DCUN1D5: variants seen among roughly 807,000 people sequenced by gnomAD.
The protein encoded by DCUN1D5 is DCN1-like protein 5.
A neutral mutation model predicts 38.3 loss-of-function variants in DCUN1D5; 10 were observed. The observed-to-expected ratio is 0.26, with a 90% CI of 0.16 to 0.44. The LOEUF is 0.44. Among genes scored for constraint, DCUN1D5 ranks in the 20% least tolerant of loss-of-function variants. The probability of loss-of-function intolerance (pLI) is 1.00; values close to 1 mark genes in which losing one functional copy is unlikely to be tolerated. For missense variants in DCUN1D5, 148 were observed against 275.3 expected, an observed-to-expected ratio of 0.54 and a Z score of 3.27; for synonymous variants, 93 against 90.9, an observed-to-expected ratio of 1.02 and a Z score of -0.13.
chr11:103,089,504 T>C (rs535335380), intron 1 of DCUN1D5, among the ~76,000 whole-genome samples, 186 bp from the exon 2 acceptor site: 1 of 152,276 alleles, frequency 6.6e-6, no homozygotes, highest in African/African-American at 2.4e-5. Flanking sequence ...TACATAAGAA[T>C]TATCGGCTAA....
chr11:103,058,078 A>C lies in DCUN1D5; in HGVS notation c.*4281T>G, dbSNP rs1565281213. 6.6e-6 allele frequency among the ~76,000 whole-genome samples: 1 copy of C among 152,238 alleles called. No individual in the cohort carries two copies. The highest frequency in any genetic ancestry group is 1.5e-5 in the Non-Finnish European group (1 of 68,044). ...ACAAAGCTCCAATAAAATTGGCATT[A>C]TAAGACAAGATTCAATACTTAGGTT... On this transcript the variant is annotated 3_prime_UTR_variant, in exon 8 of 8. Coordinates refer to ENST00000260247, the MANE Select transcript of DCUN1D5 (RefSeq NM_032299.4).
In DCUN1D5 at chr11:103,073,194, A is replaced by G. The variant is rs138176520; in HGVS notation, c.342-6627T>C. On this transcript the variant is annotated intron_variant, in intron 4 of 7. Coordinates refer to ENST00000260247, the MANE Select transcript of DCUN1D5 (RefSeq NM_032299.4). The surrounding 1 kb of genome is among the most constrained non-coding windows in gnomAD (Gnocchi z 4.2). The stretch of plus-strand genomic sequence containing the variant: ...TTCTAACAAAAGATGTACAGGACGT[A>G]TATGCCGAAAACTACACAAAACTGA... 1.7e-4 allele frequency among the ~76,000 whole-genome samples: 26 copies of G among 152,318 alleles called. No individual in the cohort carries two copies. The highest frequency in any genetic ancestry group is 2.5e-4 in the Non-Finnish European group (17 of 68,016).
rs754598293 is a variant in DCUN1D5, at chr11:103,073,960, C to G, written c.342-7393G>C. Among the ~76,000 whole-genome samples the G allele has an allele frequency of 6.6e-6, 1 of 151,906 alleles. No individual in the cohort carries two copies. The highest frequency in any genetic ancestry group is 1.5e-5 in the Non-Finnish European group (1 of 67,962). ...ATGGTGGCACATGCATGTGTGGCTA[C>G]TCGGGGGGCTGATGTGGGAGGATCG... On this transcript the variant is annotated intron_variant, in intron 4 of 7. Coordinates refer to ENST00000260247, the MANE Select transcript of DCUN1D5 (RefSeq NM_032299.4). The surrounding 1 kb of genome is among the most constrained non-coding windows in gnomAD (Gnocchi z 4.2).
At position 103,089,417 on chromosome 11, in the gene DCUN1D5, G is replaced by GTTT. The variant is rs59324738; in HGVS notation, c.87-102_87-100dup. 5,402 of 945,090 alleles carry GTTT rather than the reference G, an allele frequency of 5.7e-3. 61 individuals carry two copies. Among genetic ancestry groups the GTTT allele is most frequent in the African/African-American group, 0.056 (3,272 of 58,568 alleles). 58.5% of individuals were successfully genotyped at this position (945,090 alleles called of 1,614,324 possible). A position where few individuals can be genotyped will look rare whatever the true frequency, so the allele number is the denominator to read the frequency against. On this transcript the variant is annotated intron_variant, in intron 1 of 7. Transcript: ENST00000260247. ...CAACTTCCATTCACATTAAACAAAG[G>GTTT]TTTTTTTTTTCTTCGGTTGGCATTG...
In DCUN1D5 at chr11:103,092,112, G is replaced by C. The variant is rs11542291; in HGVS notation, c.-240C>G. On this transcript the variant is annotated 5_prime_UTR_variant, in exon 1 of 8. Transcript: ENST00000260247. ...GTGGACACTGCGGTTCGTTCTCACC[G>C]GGAGGAGATAACGCGGACAGCGCGG... 1.4e-5 allele frequency: 7 copies of C among 485,054 alleles called. No individual in the cohort carries two copies. Among genetic ancestry groups the C allele is most frequent in the Admixed American group, 7.7e-5 (2 of 26,070 alleles). 30.0% of individuals were successfully genotyped at this position (485,054 alleles called of 1,614,324 possible). A position where few individuals can be genotyped will look rare whatever the true frequency, so the allele number is the denominator to read the frequency against.
intron 4 of DCUN1D5, among the ~76,000 whole-genome samples, chr11:103,075,126 G>C (rs1218807129): frequency 6.6e-6 from 1 of 152,044 alleles, no homozygotes; most frequent in Non-Finnish European, 1.5e-5. Context: ...CCAGGCCCAG[G>C]TTATCAAATT....
Position 103,087,173 on chromosome 11 carries a change from CTTTTT to C in DCUN1D5, c.178+2049_178+2053del, listed in dbSNP as rs201932440. ...AAACCCCATTTCTTTTTTTCTTTTT[CTTTTT>C]TTTTTTTTTTGAGGCAGAGTCTCAC... On this transcript the variant is annotated intron_variant, in intron 2 of 7. Transcript: ENST00000260247. This position sits in a 1 kb window ranked among gnomAD's most constrained non-coding sequence, Gnocchi z 4.1. Among the ~76,000 whole-genome samples, 2 of 138,790 alleles carry C rather than the reference CTTTTT, an allele frequency of 1.4e-5. No homozygotes were observed. Among genetic ancestry groups the C allele is most frequent in the Non-Finnish European group, 3.1e-5 (2 of 64,270 alleles). 91.1% of individuals were successfully genotyped at this position (138,790 alleles called of 152,430 possible).
At position 103,075,999 on chromosome 11, in the gene DCUN1D5, C is replaced by T. The variant is rs186510906; in HGVS notation, c.341+6749G>A. ...CAAAGCAAATTTCTCAGATTACATG[C>T]CACTATAATGTTTGAAAATATGGAG... On this transcript the variant is annotated intron_variant, in intron 4 of 7. Transcript: ENST00000260247. 2.0e-5 allele frequency among the ~76,000 whole-genome samples: 3 copies of T among 152,244 alleles called. No homozygotes were observed. In the East Asian group the frequency reaches 5.8e-4, roughly 29 times the overall value.
In DCUN1D5 at chr11:103,066,142, T is replaced by G; in HGVS notation, c.555+127A>C. 1 of 545,076 alleles carries G rather than the reference T, an allele frequency of 1.8e-6. No homozygotes were observed. The highest frequency in any genetic ancestry group is 3.2e-6 in the Non-Finnish European group (1 of 315,416). 33.8% of individuals were successfully genotyped at this position (545,076 alleles called of 1,614,324 possible). ...CTAAAAATAGCAACTGATATGTACA[T>G]ATTTTAGAATTTTTTCTCTAAAGTT... On this transcript the variant is annotated intron_variant, in intron 6 of 7. Transcript: ENST00000260247. The surrounding 1 kb of genome is among the most constrained non-coding windows in gnomAD (Gnocchi z 4.7).
intron 4 of DCUN1D5, among the ~76,000 whole-genome samples, chr11:103,068,542 C>T (rs1862191645): frequency 6.6e-6 from 1 of 152,062 alleles, no homozygotes; most frequent in African/African-American, 2.4e-5. Context: ...TTTGCGGGAA[C>T]ATGGATGGTG....
At position 103,052,781 on chromosome 11, in the gene DCUN1D5, T is replaced by A. The variant is rs1160392792; in HGVS notation, c.*9578A>T. On this transcript the variant is annotated 3_prime_UTR_variant, in exon 8 of 8. Coordinates refer to ENST00000260247, the MANE Select transcript of DCUN1D5 (RefSeq NM_032299.4). The stretch of plus-strand genomic sequence containing the variant: ...TCATGTTATTCCAAACACCAACCAC[T>A]TCTTGGCTTTTTATAGAGAGAATAA... 6.6e-6 allele frequency: 1 copy of A among 152,224 alleles called. No homozygotes were observed. The highest frequency in any genetic ancestry group is 1.5e-5 in the Non-Finnish European group (1 of 68,020). 9.4% of individuals were successfully genotyped at this position (152,224 alleles called of 1,614,324 possible). A position where few individuals can be genotyped will look rare whatever the true frequency, so the allele number is the denominator to read the frequency against.
chr11:103,073,981 G>T lies in DCUN1D5; in HGVS notation c.342-7414C>A, dbSNP rs1007400421. On this transcript the variant is annotated intron_variant, in intron 4 of 7. Transcript: ENST00000260247. This position sits in a 1 kb window ranked among gnomAD's most constrained non-coding sequence, Gnocchi z 4.2. ...GCTACTCGGGGGGCTGATGTGGGAG[G>T]ATCGCTTGAACCCAGGAGGTGAAGG... is the stretch of plus-strand genomic sequence containing the variant. 6.6e-6 allele frequency among the ~76,000 whole-genome samples: 1 copy of T among 151,988 alleles called. No homozygotes were observed. The highest frequency in any genetic ancestry group is 2.4e-5 in the African/African-American group (1 of 41,366).
In DCUN1D5 at chr11:103,060,743, TAAC is replaced by T. The variant is rs375171287; in HGVS notation, c.*1613_*1615del. 1.6e-4 allele frequency among the ~76,000 whole-genome samples: 24 copies of T among 152,314 alleles called. No homozygotes were observed. The highest frequency in any genetic ancestry group is 5.3e-4 in the African/African-American group (22 of 41,576). On this transcript the variant is annotated 3_prime_UTR_variant, in exon 8 of 8. Transcript: ENST00000260247. Reference sequence around the variant, plus strand: ...GATTTTGCTTATATGTTTTGGAATTTAACAAAAGTGGATATGTTCTTCAGTTCA... The same window carrying T: ...GATTTTGCTTATATGTTTTGGAATTTAAAAGTGGATATGTTCTTCAGTTCA...
rs1339567088 is a variant in DCUN1D5 at position 103,091,202 on chromosome 11, C to G, written c.86+585G>C. Among the ~76,000 whole-genome samples, 1 of 152,090 alleles carries G rather than the reference C, an allele frequency of 6.6e-6. No individual in the cohort carries two copies. Among genetic ancestry groups the G allele is most frequent in the East Asian group, 1.9e-4 (1 of 5,168 alleles). On this transcript the variant is annotated intron_variant, in intron 1 of 7. Transcript: ENST00000260247. The surrounding 1 kb of genome is among the most constrained non-coding windows in gnomAD (Gnocchi z 4.3). ...ACAGGGACTTGGCATAGGTGAGGCA[C>G]TATACTTCCAGAAAATGGGGCTCCT...
rs1861820920 is a variant in DCUN1D5, at chr11:103,054,372, C to T, written c.*7987G>A. 1 of 152,108 alleles carries T rather than the reference C, an allele frequency of 6.6e-6. No homozygotes were observed. The highest frequency in any genetic ancestry group is 2.4e-5 in the African/African-American group (1 of 41,432). 9.4% of individuals were successfully genotyped at this position (152,108 alleles called of 1,614,324 possible). A position where few individuals can be genotyped will look rare whatever the true frequency, so the allele number is the denominator to read the frequency against. On this transcript the variant is annotated 3_prime_UTR_variant, in exon 8 of 8. Transcript: ENST00000260247. The stretch of plus-strand genomic sequence containing the variant: ...TGAAAATAAGTTTTTTCAAAGGCCC[C>T]AATTCCCTGACCGTTTTCTTATTTT...
rs1247995098 is a variant in DCUN1D5 at position 103,060,803 on chromosome 11, A to AT, written c.*1555dup. ...CCTTGAAGAGTCAACTAAATTATAA[A>AT]TTTAAAGGTCTACAAATCTAAATGC... is the stretch of plus-strand genomic sequence containing the variant. On this transcript the variant is annotated 3_prime_UTR_variant, in exon 8 of 8. Transcript: ENST00000260247. 6.6e-6 allele frequency among the ~76,000 whole-genome samples: 1 copy of AT among 152,146 alleles called. No individual in the cohort carries two copies. Among genetic ancestry groups the AT allele is most frequent in the Non-Finnish European group, 1.5e-5 (1 of 68,018 alleles).
chr11:103,086,866 A>G lies in DCUN1D5; in HGVS notation c.178+2361T>C, dbSNP rs1591228967. Among the ~76,000 whole-genome samples, 2 of 151,628 alleles carry G rather than the reference A, an allele frequency of 1.3e-5. No homozygotes were observed. The highest frequency in any genetic ancestry group is 4.1e-4 in the South Asian group (2 of 4,836). ...TAATATCTATTATAATAAAATGTTT[A>G]TAACTATATATAAACATTATAAAAT... is the stretch of plus-strand genomic sequence containing the variant. On this transcript the variant is annotated intron_variant, in intron 2 of 7. Coordinates refer to ENST00000260247, the MANE Select transcript of DCUN1D5 (RefSeq NM_032299.4). The surrounding 1 kb of genome is among the most constrained non-coding windows in gnomAD (Gnocchi z 4.1).
At position 103,061,642 on chromosome 11, in the gene DCUN1D5, T is replaced by C. The variant is rs936397256; in HGVS notation, c.*717A>G. Among the ~76,000 whole-genome samples, 5 of 146,940 alleles carry C rather than the reference T, an allele frequency of 3.4e-5. No homozygotes were observed. The highest frequency in any genetic ancestry group is 6.8e-5 in the Admixed American group (1 of 14,764). On this transcript the variant is annotated 3_prime_UTR_variant, in exon 8 of 8. Coordinates refer to ENST00000260247, the MANE Select transcript of DCUN1D5 (RefSeq NM_032299.4). ...GCTTTAAACAAAATTCCCTATATAATGACAGTTAAAAATATAAATATGCTA... is the reference window on the plus strand; with the variant it reads ...GCTTTAAACAAAATTCCCTATATAACGACAGTTAAAAATATAAATATGCTA...
intron 4 of DCUN1D5, among the ~76,000 whole-genome samples, chr11:103,079,389 C>T (rs1862494963): frequency 1.3e-5 from 2 of 152,282 alleles, no homozygotes; most frequent in South Asian, 4.1e-4. Context: ...GTAAGTGATA[C>T]TGTGCCTTAC....
Sources: gnomAD v4.1 joint callset for allele counts (sites outside exome capture counted in the v4.1 genomes callset) on GRCh38, gnomAD v4.1.1 for gene constraint, Gnocchi (gnomAD v3.1) non-coding constraint, MANE v1.5 for transcripts, NCBI Gene and HGNC (gene_info 2026-07-23, HGNC 2026-07-21) for gene names.